The following SGCZ variants were observed in gnomAD, a reference collection of about 807,000 sequenced individuals.
SGCZ encodes zeta-sarcoglycan.
In SGCZ, 40 loss-of-function variants were observed where a neutral mutation model predicts 41.3. The observed-to-expected ratio is 0.97, with a 90% confidence interval of 0.75 to 1.26. The LOEUF (loss-of-function observed/expected upper bound fraction) is 1.26. Among genes scored for constraint, SGCZ ranks in the 50% most tolerant of loss-of-function variants. The probability of loss-of-function intolerance (pLI) is 0.00; values close to 1 mark genes in which losing one functional copy is unlikely to be tolerated. For missense variants in SGCZ, 552 were observed against 369.8 expected, an observed-to-expected ratio of 1.49 and a Z score of -4.04; for synonymous variants, 206 against 137.5, an observed-to-expected ratio of 1.50 and a Z score of -3.49.
intron 2 of SGCZ, among the ~76,000 whole-genome samples, chr8:14,456,267 G>T (rs933296454): frequency 5.9e-5 from 9 of 152,086 alleles, no homozygotes; most frequent in African/African-American, 2.2e-4. Context: ...AATTAGCCGG[G>T]TGTGGTGGTG....
intron 1 of SGCZ, among the ~76,000 whole-genome samples, chr8:14,572,061 A>T (rs1373475533): frequency 6.6e-6 from 1 of 152,226 alleles, no homozygotes; most frequent in Non-Finnish European, 1.5e-5. Context: ...CATTACATGA[A>T]TTTAAGGATG....
intron 4 of SGCZ, among the ~76,000 whole-genome samples, chr8:14,182,537 G>T (rs796176354): frequency 7.9e-5 from 12 of 152,130 alleles, no homozygotes; most frequent in African/African-American, 2.9e-4. Flanking sequence ...CTCATTCTTT[G>T]GTCTCTGCTC....
intron 1 of SGCZ, among the ~76,000 whole-genome samples, chr8:14,803,085 C>G (rs900434800): frequency 6.6e-6 from 1 of 152,186 alleles, no homozygotes; most frequent in Non-Finnish European, 1.5e-5. Context: ...TTTTACCACC[C>G]ATGGGGCCTC....
chr8:14,749,966 A>G (rs1392435081), intron 1 of SGCZ, among the ~76,000 whole-genome samples: 1 of 152,220 alleles, frequency 6.6e-6, no homozygotes, highest in African/African-American at 2.4e-5. Flanking sequence ...AAATTTAAAC[A>G]TAATAAATTA....
At chr8:15,030,622 T>C (rs1444893146) in intron 1 of SGCZ, among the ~76,000 whole-genome samples, 1 of 152,206 alleles carries the variant, frequency 6.6e-6, no homozygotes, top group Non-Finnish European at 1.5e-5. Context: ...GGAGTATTTG[T>C]TGAGTATCTA....
intron 1 of SGCZ, among the ~76,000 whole-genome samples, chr8:15,109,860 TA>T (rs1806978038): frequency 6.6e-6 from 1 of 152,194 alleles, no homozygotes. Flanking sequence ...ATTTATATGC[TA>T]AAAAAGCAAT....
chr8:14,977,235 T>A (rs1801507626), intron 1 of SGCZ, among the ~76,000 whole-genome samples: 1 of 151,988 alleles, frequency 6.6e-6, no homozygotes, highest in African/African-American at 2.4e-5. Flanking sequence ...CTCCACCCCA[T>A]CCCTCCCCAC....
At chr8:14,652,394 CATAATA>C (rs1398111332) in intron 1 of SGCZ, among the ~76,000 whole-genome samples, 1 of 148,434 alleles carries the variant, frequency 6.7e-6, no homozygotes, top group Admixed American at 6.7e-5. Flanking sequence ...CATATATATT[CATAATA>C]ATAATATTTG....
Position 14,889,250 on chromosome 8 carries a change from G to A in SGCZ, c.40-334324C>T, listed in dbSNP as rs967520949. On this transcript the variant is annotated intron_variant, in intron 1 of 7. Coordinates refer to ENST00000382080, the MANE Select transcript of SGCZ (RefSeq NM_139167.4). ...ACTATTTTTGAATTCCACCCTCTCAGCTTTCTTTCTTCAAGCTTAGCTTTA... is the reference window on the plus strand; with the variant it reads ...ACTATTTTTGAATTCCACCCTCTCAACTTTCTTTCTTCAAGCTTAGCTTTA... 4.6e-5 allele frequency among the ~76,000 whole-genome samples: 7 copies of A among 151,006 alleles called. No individual in the cohort carries two copies. The East Asian group carries it at 1.4e-3, about 30-fold the overall frequency.
chr8:14,090,692 A>G, intron 7 of SGCZ, 55 bp from the exon 8 acceptor site: 2 of 1,458,130 alleles, frequency 1.4e-6, no homozygotes, highest in Non-Finnish European at 9.4e-7. Flanking sequence ...AGCATCGAGT[A>G]ATCTACATCC....
At chr8:14,730,942 G>GT (rs771258277) in intron 1 of SGCZ, among the ~76,000 whole-genome samples, 18 of 151,912 alleles carry the variant, frequency 1.2e-4, no homozygotes, top group South Asian at 4.1e-4. Context: ...TGGCAGGAGT[G>GT]TAAATTAGTT....
At chr8:14,926,201 T>C (rs1431602233) in intron 1 of SGCZ, among the ~76,000 whole-genome samples, 1 of 152,220 alleles carries the variant, frequency 6.6e-6, no homozygotes, top group Non-Finnish European at 1.5e-5. Flanking sequence ...TTAAGTAATA[T>C]ATGCATGTTC....
chr8:15,221,158 AG>A (rs1242021095), intron 1 of SGCZ, among the ~76,000 whole-genome samples: 1 of 152,238 alleles, frequency 6.6e-6, no homozygotes, highest in Non-Finnish European at 1.5e-5. Context: ...AACTTAAAAA[AG>A]AAAAGAAAAT....
intron 1 of SGCZ, among the ~76,000 whole-genome samples, chr8:14,693,619 C>G (rs1458260525): frequency 1.7e-5 from 2 of 114,970 alleles, no homozygotes; most frequent in African/African-American, 3.2e-5. Flanking sequence ...GAGACGGAGT[C>G]TCGCTCTGTC....
intron 5 of SGCZ, among the ~76,000 whole-genome samples, chr8:14,130,425 T>C (rs1563143679): frequency 6.6e-6 from 1 of 152,162 alleles, no homozygotes; most frequent in African/African-American, 2.4e-5. Context: ...TAACAGTCCT[T>C]CCTTCCACGA....
At chr8:14,812,577 T>C (rs1194044575) in intron 1 of SGCZ, among the ~76,000 whole-genome samples, 1 of 152,122 alleles carries the variant, frequency 6.6e-6, no homozygotes, top group African/African-American at 2.4e-5. Context: ...TATCTTGTTT[T>C]GTAATATCAT....
chr8:15,213,634 A>G (rs1013061265), intron 1 of SGCZ, among the ~76,000 whole-genome samples: 4 of 151,818 alleles, frequency 2.6e-5, no homozygotes, highest in African/African-American at 9.7e-5. Flanking sequence ...TAGATTTATA[A>G]ATTTAATGAA....
chr8:14,177,971 T>TC (rs1336098729), intron 4 of SGCZ, among the ~76,000 whole-genome samples: 1 of 144,296 alleles, frequency 6.9e-6, no homozygotes. Context: ...TTTTTTTTTT[T>TC]TTTTGAGACG....
At chr8:14,400,457 A>C (rs1799040071) in intron 2 of SGCZ, among the ~76,000 whole-genome samples, 1 of 152,106 alleles carries the variant, frequency 6.6e-6, no homozygotes. Context: ...ATGTATGTAT[A>C]ATTTTTTGTG....
Sources: allele counts gnomAD v4.1 joint callset (sites outside exome capture counted in the v4.1 genomes callset), GRCh38; gene constraint gnomAD v4.1.1; transcripts MANE v1.5; gene names NCBI Gene and HGNC (gene_info 2026-07-23, HGNC 2026-07-21).